The following PLEKHA6 variants were observed in gnomAD, a reference collection of about 807,000 sequenced individuals.
PLEKHA6 encodes pleckstrin homology domain-containing family A member 6.
PLEKHA6 carries 60 observed loss-of-function variants against 116.7 expected under a neutral mutation model. That is an observed-to-expected ratio of 0.51 (90% CI 0.42 to 0.64). The LOEUF is 0.64. PLEKHA6 is among the 30% of genes least tolerant of loss of function. The probability of loss-of-function intolerance (pLI) is 0.00; values close to 1 mark genes in which losing one functional copy is unlikely to be tolerated. For synonymous variants in PLEKHA6, 489 were observed against 556.1 expected, an observed-to-expected ratio of 0.88 and a Z score of 1.70; for missense variants, 1,338 against 1,422.7, an observed-to-expected ratio of 0.94 and a Z score of 0.96.
intron 1 of PLEKHA6, among the ~76,000 whole-genome samples, chr1:204,293,606 A>G (rs1313827916): frequency 6.6e-6 from 1 of 152,182 alleles, no homozygotes; most frequent in East Asian, 1.9e-4. Flanking sequence ...TCCTGTCTTT[A>G]TTTCGAATGT....
chr1:204,257,860 C>A lies in PLEKHA6; in HGVS notation c.1017G>T (p.Arg339Ser). The change falls in exon 9 of 23, where the codon AGG becomes AGT. Residue 339 changes from arginine (R) to serine (S), a missense_variant. Physicochemically the swap from Arg to Ser is moderately radical, Grantham distance 110. Transcript: ENST00000272203. The surrounding 1 kb of genome is among the most constrained non-coding windows in gnomAD (Gnocchi z 6.5). ...PPPEDLRSPS[R>S]FYPVSRRVPE... The stretch of plus-strand genomic sequence containing the variant: ...GGACCCTGCGAGACACAGGATAGAA[C>A]CTAGAGGGACTGAGAGAGAGGGGAC... 6.2e-7 allele frequency: 1 copy of A among 1,603,460 alleles called. No homozygotes were observed. Among genetic ancestry groups the A allele is most frequent in the Non-Finnish European group, 8.5e-7 (1 of 1,172,100 alleles).
At chr1:204,306,775 C>G (rs1334890240) in intron 1 of PLEKHA6, among the ~76,000 whole-genome samples, 1 of 152,130 alleles carries the variant, frequency 6.6e-6, no homozygotes, top group Non-Finnish European at 1.5e-5. Context: ...AAGCCCAAAC[C>G]TCAGCATTAT....
intron 21 of PLEKHA6, among the ~76,000 whole-genome samples, chr1:204,227,862 G>A (rs940066303): frequency 2.0e-5 from 3 of 152,152 alleles, no homozygotes; most frequent in Non-Finnish European, 4.4e-5. Flanking sequence ...GGATCATCCC[G>A]GCTCTGAGCT....
chr1:204,279,721 A>G (rs1283156831), intron 1 of PLEKHA6, among the ~76,000 whole-genome samples: 1 of 152,206 alleles, frequency 6.6e-6, no homozygotes, highest in Non-Finnish European at 1.5e-5. Context: ...TGGCAGTGCC[A>G]TCAGTGGAAA....
chr1:204,359,582 C>G (rs1673511277), intron 1 of PLEKHA6, 112 bp downstream of exon 1: 1 of 984,006 alleles, frequency 1.0e-6, no homozygotes. Flanking sequence ...AGCCAGTGCT[C>G]CGCAGTGCAA....
chr1:204,268,238 A>G lies in PLEKHA6; in HGVS notation c.177T>C (p.Pro59=). 6.2e-7 allele frequency: 1 copy of G among 1,612,364 alleles called. No homozygotes were observed. Among genetic ancestry groups the G allele is most frequent in the South Asian group, 1.1e-5 (1 of 90,838 alleles). The part of the protein sequence containing the change: ...SHSMKRNPNA[P]VTKAGWLFKQ... ...TGAAGAGCCAGCCCGCCTTGGTGAC[A>G]GGTGCATTGGGGTTCCGCTTCATGG... is the stretch of plus-strand genomic sequence containing the variant. The change falls in exon 4 of 23, where the codon CCT becomes CCC. Residue 59 remains proline (P), a synonymous_variant. Coordinates refer to ENST00000272203, the MANE Select transcript of PLEKHA6 (RefSeq NM_014935.5).
At chr1:204,252,432 A>C (rs542123326) in intron 9 of PLEKHA6, among the ~76,000 whole-genome samples, 108 of 152,184 alleles carry the variant, frequency 7.1e-4, no homozygotes, top group Non-Finnish European at 1.2e-3. Context: ...CACTGGTTCC[A>C]ATGGGAAAGG....
chr1:204,327,774 A>G (rs1672293704), intron 1 of PLEKHA6, among the ~76,000 whole-genome samples: 1 of 152,248 alleles, frequency 6.6e-6, no homozygotes, highest in Admixed American at 6.5e-5. Context: ...AGGGAAAAAT[A>G]CAAGAGCAAG....
chr1:204,230,648 C>A, intron 17 of PLEKHA6, 62 bp from the exon 18 acceptor site: 1 of 1,405,672 alleles, frequency 7.1e-7, no homozygotes, highest in Non-Finnish European at 9.7e-7. Flanking sequence ...CTTTTCCATC[C>A]TGAACCCTTA....
In PLEKHA6 at chr1:204,223,157, A is replaced by G. The variant is rs960133628; in HGVS notation, c.*8+305T>C. On this transcript the variant is annotated intron_variant, in intron 22 of 22. Coordinates refer to ENST00000272203, the MANE Select transcript of PLEKHA6 (RefSeq NM_014935.5). The surrounding 1 kb of genome is among the most constrained non-coding windows in gnomAD (Gnocchi z 4.8). ...GCACAGGGGTGGGGTGTCAGGGAAGAGCCTTCCCTGAGAGCAGACAGGTGA... is the reference window on the plus strand; with the variant it reads ...GCACAGGGGTGGGGTGTCAGGGAAGGGCCTTCCCTGAGAGCAGACAGGTGA... Among the ~76,000 whole-genome samples, 6 of 152,110 alleles carry G rather than the reference A, an allele frequency of 3.9e-5. No homozygotes were observed. Among genetic ancestry groups the G allele is most frequent in the Non-Finnish European group, 5.9e-5 (4 of 68,012 alleles).
chr1:204,251,700 C>G, intron 9 of PLEKHA6: 1 of 652,138 alleles, frequency 1.5e-6, no homozygotes, highest in Admixed American at 2.1e-5. Context: ...TCCCAGGAAA[C>G]AGGGGAGGGC....
chr1:204,250,763 C>G lies in PLEKHA6; in HGVS notation c.1525-149G>C. On this transcript the variant is annotated intron_variant, in intron 9 of 22. Coordinates refer to ENST00000272203, the MANE Select transcript of PLEKHA6 (RefSeq NM_014935.5). Reference sequence around the variant, plus strand: ...TCTGTTCCAGGGACCTGAGCTCATTCCACATCCCCTGGCTGGAAGCCTGGG... The same window carrying G: ...TCTGTTCCAGGGACCTGAGCTCATTGCACATCCCCTGGCTGGAAGCCTGGG... 4 of 692,378 alleles carry G rather than the reference C, an allele frequency of 5.8e-6. No individual in the cohort carries two copies. In the South Asian group the frequency reaches 6.6e-5, roughly 11 times the overall value. The allele number at this position is 692,378 out of a possible 1,614,324, so 42.9% of individuals were successfully genotyped here.
Position 204,223,107 on chromosome 1 carries a change from T to A in PLEKHA6, c.*9-328A>T, listed in dbSNP as rs189604663. ...TTCTGCATCTGTGTATCTCAACAGA[T>A]GGAAAGCTTGTCAGCAGACAGGAGG... On this transcript the variant is annotated intron_variant, in intron 22 of 22. Transcript: ENST00000272203. This position sits in a 1 kb window ranked among gnomAD's most constrained non-coding sequence, Gnocchi z 4.8. 1.3e-5 allele frequency among the ~76,000 whole-genome samples: 2 copies of A among 152,034 alleles called. No homozygotes were observed. Among genetic ancestry groups the A allele is most frequent in the Non-Finnish European group, 2.9e-5 (2 of 68,008 alleles).
At chr1:204,235,391 C>T (rs1408583669) in intron 17 of PLEKHA6, among the ~76,000 whole-genome samples, 1 of 152,028 alleles carries the variant, frequency 6.6e-6, no homozygotes, top group Non-Finnish European at 1.5e-5. Context: ...GTTGGTTGCT[C>T]CTAAGTTCAG....
rs775067609 is a variant in PLEKHA6, at chr1:204,259,274, G to A, written c.991C>T (p.Pro331Ser). The A allele has an allele frequency of 6.2e-7, 1 of 1,613,760 alleles. No individual in the cohort carries two copies. The highest frequency in any genetic ancestry group is 1.7e-5 in the Admixed American group (1 of 60,030). The change falls in exon 8 of 23, where the codon CCT becomes TCT. Residue 331 changes from proline (P) to serine (S), a missense_variant. Transcript: ENST00000272203. This position sits in a 1 kb window ranked among gnomAD's most constrained non-coding sequence, Gnocchi z 4.6. ...ATGCCTCACCTCCGAAGGTCTTCAGGCGGGGGTACCCCCCGGCGCAGATTC... is the reference window on the plus strand; with the variant it reads ...ATGCCTCACCTCCGAAGGTCTTCAGACGGGGGTACCCCCCGGCGCAGATTC... ...WVNLRRGVPP[P>S]EDLRSPSRFY... is the part of the protein sequence containing the mutation.
At chr1:204,255,768 G>GTTAA in intron 9 of PLEKHA6, 1 of 690,934 alleles carries the variant, frequency 1.4e-6, no homozygotes, top group Admixed American at 2.1e-5. Flanking sequence ...AAGCAAAGCA[G>GTTAA]TTAAGAGTTA....
chr1:204,313,771 G>T (rs1280729611), intron 1 of PLEKHA6: 3 of 897,722 alleles, frequency 3.3e-6, no homozygotes, highest in African/African-American at 1.8e-5. Context: ...CACCATGTAG[G>T]TGTCTAATTA....
chr1:204,257,945 TC>T lies in PLEKHA6; in HGVS notation c.1008-77del. Reference sequence around the variant, plus strand: ...CACCCACCCCAGCCCCACCTCCAGGTCCCCCAGCCTAGAGCAGGGTGCTTGA... The same window carrying T: ...CACCCACCCCAGCCCCACCTCCAGGTCCCCAGCCTAGAGCAGGGTGCTTGA... On this transcript the variant is annotated intron_variant, in intron 8 of 22. Coordinates refer to ENST00000272203, the MANE Select transcript of PLEKHA6 (RefSeq NM_014935.5). This position sits in a 1 kb window ranked among gnomAD's most constrained non-coding sequence, Gnocchi z 6.5. 2.2e-6 allele frequency: 3 copies of T among 1,368,414 alleles called. No individual in the cohort carries two copies. The highest frequency in any genetic ancestry group is 2.4e-5 in the East Asian group (1 of 42,496). 84.8% of individuals were successfully genotyped at this position (1,368,414 alleles called of 1,614,324 possible). A position where few individuals can be genotyped will look rare whatever the true frequency, so the allele number is the denominator to read the frequency against.
At chr1:204,256,794 G>C (rs1216098319) in intron 9 of PLEKHA6, 2 of 614,492 alleles carry the variant, frequency 3.3e-6, no homozygotes, top group Middle Eastern at 2.5e-4. Flanking sequence ...AGGGGAGAAA[G>C]GACGTACCAT....
Sources: gnomAD v4.1 joint callset for allele counts (sites outside exome capture counted in the v4.1 genomes callset) on GRCh38, gnomAD v4.1.1 for gene constraint, Gnocchi (gnomAD v3.1) non-coding constraint, MANE v1.5 for transcripts, NCBI Gene and HGNC (gene_info 2026-07-23, HGNC 2026-07-21) for gene names.